The following GCN1 variants were observed in gnomAD, a reference collection of about 807,000 sequenced individuals.
GCN1 encodes stalled ribosome sensor GCN1.
GCN1 carries 90 observed loss-of-function variants against 288.4 expected under a neutral mutation model. That is an observed-to-expected ratio of 0.31 (90% CI 0.26 to 0.37). The LOEUF is 0.37. Among genes scored for constraint, GCN1 ranks in the 10% least tolerant of loss-of-function variants. The pLI is 1.00. For synonymous variants in GCN1, 1,386 were observed against 1,420.2 expected (o/e 0.98, Z 0.54); for missense variants, 2,586 against 3,419.9 (o/e 0.76, Z 6.08).
intron 31 of GCN1, among the ~76,000 whole-genome samples, chr12:120,154,638 T>C (rs751562014): frequency 6.6e-6 from 1 of 152,256 alleles, no homozygotes; most frequent in Non-Finnish European, 1.5e-5. Context: ...ACGCTCACGG[T>C]CACGCAGCTA....
In GCN1 at chr12:120,153,592, A is replaced by T; in HGVS notation, c.3867+152T>A. ...ACTTAAAAGAATTTAACACACTATC[A>T]TGGTCTTTTTGGCTCAAAGTGCTCT... On this transcript the variant is annotated intron_variant, in intron 32 of 57. Coordinates refer to ENST00000300648, the MANE Select transcript of GCN1 (RefSeq NM_006836.2). This position sits in a 1 kb window ranked among gnomAD's most constrained non-coding sequence, Gnocchi z 4.4. 1.2e-6 allele frequency: 1 copy of T among 865,706 alleles called. No individual in the cohort carries two copies. The highest frequency in any genetic ancestry group is 1.8e-6 in the Non-Finnish European group (1 of 553,898). The allele number at this position is 865,706 out of a possible 1,614,324, so 53.6% of individuals were successfully genotyped here.
At chr12:120,152,043 T>C (rs1877572504) in intron 33 of GCN1, among the ~76,000 whole-genome samples, 1 of 152,104 alleles carries the variant, frequency 6.6e-6, no homozygotes, top group African/African-American at 2.4e-5. Flanking sequence ...TTGTTTTTGT[T>C]TTTAGAAATA....
At chr12:120,157,161 C>T (rs1877776772) in intron 26 of GCN1, 169 bp from the exon 27 acceptor site, 3 of 529,418 alleles carry the variant, frequency 5.7e-6, no homozygotes, top group South Asian at 5.3e-5. Flanking sequence ...GTGCTAACCC[C>T]AGTCAACCAT....
rs529656549 is a variant in GCN1, at chr12:120,161,134, T to A, written c.2436+356A>T. Among the ~76,000 whole-genome samples the A allele has an allele frequency of 4.6e-5, 7 of 152,244 alleles. No homozygotes were observed. The South Asian group carries it at 1.5e-3, about 32-fold the overall frequency. ...CAATCAAGTCATGATTCCCCAGAAGTCCCACTGTACCAGGCGCTGTGCCTG... is the reference window on the plus strand; with the variant it reads ...CAATCAAGTCATGATTCCCCAGAAGACCCACTGTACCAGGCGCTGTGCCTG... On this transcript the variant is annotated intron_variant, in intron 22 of 57. Coordinates refer to ENST00000300648, the MANE Select transcript of GCN1 (RefSeq NM_006836.2).
intron 9 of GCN1, 127 bp from the exon 10 acceptor site, chr12:120,176,344 T>G (rs1307034467): frequency 1.5e-6 from 1 of 657,574 alleles, no homozygotes; most frequent in African/African-American, 1.8e-5. Flanking sequence ...ACAGGCTACA[T>G]GAGTAGTCCC....
Position 120,134,234 on chromosome 12 carries a change from G to T in GCN1, c.7317+57C>A. 1 of 1,144,772 alleles carries T rather than the reference G, an allele frequency of 8.7e-7. No individual in the cohort carries two copies. The allele number at this position is 1,144,772 out of a possible 1,614,324, so 70.9% of individuals were successfully genotyped here. Reference sequence around the variant, plus strand: ...ACACAAAGTGAAGAACTCAACCTAAGGAGGAGGAGGGAAACCAGTGGTCCA... The same window carrying T: ...ACACAAAGTGAAGAACTCAACCTAATGAGGAGGAGGGAAACCAGTGGTCCA... On this transcript the variant is annotated intron_variant, in intron 53 of 57. Coordinates refer to ENST00000300648, the MANE Select transcript of GCN1 (RefSeq NM_006836.2). This position sits in a 1 kb window ranked among gnomAD's most constrained non-coding sequence, Gnocchi z 5.0.
chr12:120,131,237 C>T lies in GCN1; in HGVS notation c.7511G>A (p.Arg2504Lys), dbSNP rs1594256903. The change falls in exon 55 of 58, where the codon AGA becomes AAA. Residue 2504 changes from arginine to lysine, a missense_variant. Physicochemically the swap from Arg to Lys is conservative, Grantham distance 26. Coordinates refer to ENST00000300648, the MANE Select transcript of GCN1 (RefSeq NM_006836.2). ...NVAPGRLCAG[R>K]YSSDVQEMIL... ...CATTTCCTGAACATCACTGCTATAT[C>T]TGCCGGCACAAAGTCTGCCAGGAGC... is the stretch of plus-strand genomic sequence containing the variant. 1 of 1,614,176 alleles carries T rather than the reference C, an allele frequency of 6.2e-7. No homozygotes were observed. Among genetic ancestry groups the T allele is most frequent in the East Asian group, 2.2e-5 (1 of 44,884 alleles).
chr12:120,165,465 T>C (rs1337496485), intron 16 of GCN1, among the ~76,000 whole-genome samples: 1 of 150,694 alleles, frequency 6.6e-6, no homozygotes, highest in Non-Finnish European at 1.5e-5. Context: ...CCACCGCACC[T>C]AGCCTATTTT....
At chr12:120,190,721 T>A (rs1878977151) in intron 1 of GCN1, among the ~76,000 whole-genome samples, 1 of 152,170 alleles carries the variant, frequency 6.6e-6, no homozygotes, top group South Asian at 2.1e-4. Flanking sequence ...CAAATCAATA[T>A]ACCTTATTTA....
rs376676493 is a variant in GCN1 at position 120,153,366 on chromosome 12, C to A, written c.3909G>T (p.Leu1303=). 1.9e-6 allele frequency: 3 copies of A among 1,614,102 alleles called. No homozygotes were observed. In the African/African-American group the frequency reaches 4.0e-5, roughly 22 times the overall value. The change falls in exon 33 of 58, where the codon CTG becomes CTT. Residue 1303 remains leucine, a synonymous_variant. Transcript: ENST00000300648. This position sits in a 1 kb window ranked among gnomAD's most constrained non-coding sequence, Gnocchi z 4.4. Reference sequence around the variant, plus strand: ...AGCTGGCATCATTGGGCGCGTTCTTCAGGAACTCCTCGAATACTGGCAACA... The same window carrying A: ...AGCTGGCATCATTGGGCGCGTTCTTAAGGAACTCCTCGAATACTGGCAACA... ...NSLLPVFEEF[L]KNAPNDASYD...
intron 2 of GCN1, among the ~76,000 whole-genome samples, chr12:120,189,024 A>C (rs991162134): frequency 6.6e-6 from 1 of 152,164 alleles, no homozygotes; most frequent in Non-Finnish European, 1.5e-5. Flanking sequence ...TATAGCAAGG[A>C]AATAAAGTAA....
chr12:120,128,519 A>G (rs1876695036), intron 57 of GCN1, among the ~76,000 whole-genome samples: 1 of 151,474 alleles, frequency 6.6e-6, no homozygotes, highest in Non-Finnish European at 1.5e-5. Flanking sequence ...TATTTTTAGT[A>G]GAGACGGGGT....
In GCN1 at chr12:120,158,094, A is replaced by G. The variant is rs1386566451; in HGVS notation, c.2906-64T>C. ...GCAGGGACCCGGGCCACTGCTGCCT[A>G]TTTCTATCCTCAGGGAAAGTAGGGA... is the stretch of plus-strand genomic sequence containing the variant. On this transcript the variant is annotated intron_variant, in intron 25 of 57. Coordinates refer to ENST00000300648, the MANE Select transcript of GCN1 (RefSeq NM_006836.2). This position sits in a 1 kb window ranked among gnomAD's most constrained non-coding sequence, Gnocchi z 4.3. The G allele has an allele frequency of 6.6e-7, 1 of 1,505,076 alleles. No individual in the cohort carries two copies. The highest frequency in any genetic ancestry group is 1.4e-5 in the African/African-American group (1 of 72,772). 93.2% of individuals were successfully genotyped at this position (1,505,076 alleles called of 1,614,324 possible).
intron 13 of GCN1, 117 bp from the exon 14 acceptor site, chr12:120,173,943 C>G: frequency 1.9e-6 from 2 of 1,044,268 alleles, no homozygotes; most frequent in Non-Finnish European, 2.9e-6. Context: ...ATATTTCAGA[C>G]AGCTACGAGC....
At chr12:120,169,754 G>A (rs999178525) in intron 15 of GCN1, among the ~76,000 whole-genome samples, 5 of 152,122 alleles carry the variant, frequency 3.3e-5, no homozygotes, top group African/African-American at 7.2e-5. Flanking sequence ...CGCCTGCCTC[G>A]GCCTCCCAAA....
chr12:120,181,638 G>A (rs1179261), intron 5 of GCN1, among the ~76,000 whole-genome samples: 12 of 151,404 alleles, frequency 7.9e-5, no homozygotes, highest in Admixed American at 5.9e-4. Flanking sequence ...TCAGGAGTTC[G>A]AGACCAGCCT....
rs1266763430 is a variant in GCN1, at chr12:120,185,954, GA to G, written c.122-1068del. Among the ~76,000 whole-genome samples the G allele has an allele frequency of 2.0e-5, 3 of 152,278 alleles. No homozygotes were observed. The East Asian group carries it at 5.8e-4, about 29-fold the overall frequency. ...AATGGGAAACCAAGCCAGCCAGTCA[GA>G]GTGAAACAGATACACCCTAACTCTG... is the stretch of plus-strand genomic sequence containing the variant. On this transcript the variant is annotated intron_variant, in intron 2 of 57. Transcript: ENST00000300648.
chr12:120,178,755 G>A lies in GCN1; in HGVS notation c.530C>T (p.Pro177Leu). The change falls in exon 7 of 58, where the codon CCC becomes CTC. Residue 177 changes from proline (P) to leucine (L), a missense_variant. Around this residue, in one of 8 missense-constraint regions of GCN1, gnomAD observed 913 missense variants for 1,107.0 expected, o/e 0.82. Transcript: ENST00000300648. ...TGACAAGTACTGTTCCACCAGCCCG[G>A]GGTTCTGAAGAGGAAAGTGCCAGGC... ...KKLTKLWKENPGLVEQYLSAI... is the reference protein window; with the variant it reads ...KKLTKLWKENLGLVEQYLSAI... 1 of 1,614,212 alleles carries A rather than the reference G, an allele frequency of 6.2e-7. No homozygotes were observed. The highest frequency in any genetic ancestry group is 8.5e-7 in the Non-Finnish European group (1 of 1,180,028).
rs1028982099 is a variant in GCN1, at chr12:120,134,872, G to A, written c.7009-146C>T. 2 of 677,562 alleles carry A rather than the reference G, an allele frequency of 3.0e-6. No individual in the cohort carries two copies. The highest frequency in any genetic ancestry group is 1.8e-5 in the South Asian group (1 of 54,524). The allele number at this position is 677,562 out of a possible 1,614,324, so 42.0% of individuals were successfully genotyped here. A position where few individuals can be genotyped will look rare whatever the true frequency, so the allele number is the denominator to read the frequency against. ...GGCTGGGGACAGATAGCCCGTCAGA[G>A]AGGCCAAACACAGACAGGTTTCGCT... On this transcript the variant is annotated intron_variant, in intron 51 of 57. Transcript: ENST00000300648. This position sits in a 1 kb window ranked among gnomAD's most constrained non-coding sequence, Gnocchi z 5.0.
Sources: gnomAD v4.1 joint callset for allele counts (sites outside exome capture counted in the v4.1 genomes callset) on GRCh38, gnomAD v4.1.1 for gene constraint, gnomAD v4.1.1 regional missense constraint, Gnocchi (gnomAD v3.1) non-coding constraint, MANE v1.5 for transcripts, NCBI Gene and HGNC (gene_info 2026-07-23, HGNC 2026-07-21) for gene names.